Variants in SAMMSON observed in about 807,000 individuals in gnomAD.
The protein encoded by SAMMSON is survival associated mitochondrial melanoma specific oncogenic non-coding RNA.
intron 9 of SAMMSON, among the ~76,000 whole-genome samples, chr3:70,360,925 G>T (rs1002015240): frequency 3.3e-5 from 5 of 152,080 alleles, no homozygotes. Flanking sequence ...GTAATGAATA[G>T]CTATCATGTT....
At chr3:70,355,142 A>G (rs1285286731) in intron 8 of SAMMSON, among the ~76,000 whole-genome samples, 1 of 152,196 alleles carries the variant, frequency 6.6e-6, no homozygotes, top group Non-Finnish European at 1.5e-5. Flanking sequence ...TCTCTTCTGA[A>G]TTCATAGAAC....
At chr3:70,305,137 C>T (rs1015322167) in intron 7 of SAMMSON, among the ~76,000 whole-genome samples, 1 of 152,126 alleles carries the variant, frequency 6.6e-6, no homozygotes, top group Non-Finnish European at 1.5e-5. Flanking sequence ...TTCAAAGCTT[C>T]GAAACAATTA....
intron 2 of SAMMSON, among the ~76,000 whole-genome samples, chr3:70,427,514 C>T (rs1197346630): frequency 2.6e-5 from 4 of 151,892 alleles, no homozygotes; most frequent in Non-Finnish European, 4.4e-5. Context: ...CTGAGATGGG[C>T]GGATCACGAG....
chr3:70,180,861 C>G (rs2106705265), intron 4 of SAMMSON, among the ~76,000 whole-genome samples: 1 of 152,102 alleles, frequency 6.6e-6, no homozygotes, highest in East Asian at 1.9e-4. Context: ...AGCAAAGGCC[C>G]CCTAATTTAA....
rs571384897 is a variant in SAMMSON at position 70,134,025 on chromosome 3, C to T, written n.507+62460C>T. 1.1e-3 allele frequency among the ~76,000 whole-genome samples: 164 copies of T among 147,908 alleles called. 1 individual carries two copies. Among genetic ancestry groups the T allele is most frequent in the African/African-American group, 3.9e-3 (155 of 39,964 alleles). ...TTGGGAGGCCAAGGCAGGCAGATCA[C>T]GAGGCCAGGAGTTCGAGACCTGTCT... On this transcript the variant is annotated intron_variant and non_coding_transcript_variant, in intron 4 of 9. Transcript: ENST00000642114.
At chr3:70,318,237 G>A (rs1203521207) in intron 7 of SAMMSON, among the ~76,000 whole-genome samples, 1 of 151,810 alleles carries the variant, frequency 6.6e-6, no homozygotes, top group Non-Finnish European at 1.5e-5. Context: ...CTCCCTCTAG[G>A]ATTCCAATTA....
intron 4 of SAMMSON, among the ~76,000 whole-genome samples, chr3:70,232,189 T>TCTG (rs1701565898): frequency 6.6e-6 from 1 of 152,292 alleles, no homozygotes; most frequent in African/African-American, 2.4e-5. Flanking sequence ...TAAATATTGA[T>TCTG]CTGCTCTGTG....
At chr3:70,415,266 G>A (rs1036695001) in intron 2 of SAMMSON, among the ~76,000 whole-genome samples, 5 of 152,154 alleles carry the variant, frequency 3.3e-5, no homozygotes, top group African/African-American at 4.8e-5. Flanking sequence ...TCTGTCAAGC[G>A]CATGTTGCCC....
rs536900774 is a variant in SAMMSON at position 70,051,904 on chromosome 3, G to C, written n.418-19572G>C. 3.3e-5 allele frequency among the ~76,000 whole-genome samples: 5 copies of C among 152,046 alleles called. No individual in the cohort carries two copies. The East Asian group carries it at 7.8e-4, about 24-fold the overall frequency. The stretch of plus-strand genomic sequence containing the variant: ...CTTGAACTCAGGAGTTCAAGACCAG[G>C]CTGGGCAACGTGGAGAGACTGTGTC... On this transcript the variant is annotated intron_variant and non_coding_transcript_variant, in intron 3 of 9. Transcript: ENST00000642114.
chr3:70,258,046 T>C (rs1228125872), intron 6 of SAMMSON, among the ~76,000 whole-genome samples: 1 of 152,182 alleles, frequency 6.6e-6, no homozygotes, highest in Non-Finnish European at 1.5e-5. Context: ...AGTCTTTTCA[T>C]TAGATGGTGC....
intron 4 of SAMMSON, among the ~76,000 whole-genome samples, chr3:70,238,252 T>A (rs552582038): frequency 2.0e-5 from 3 of 151,880 alleles, no homozygotes; most frequent in African/African-American, 7.3e-5. Flanking sequence ...TCTCCTTCTA[T>A]GTAAGGTGTA....
At chr3:70,019,197 T>C (rs1362320954) in intron 3 of SAMMSON, among the ~76,000 whole-genome samples, 3 of 152,168 alleles carry the variant, frequency 2.0e-5, no homozygotes, top group African/African-American at 4.8e-5. Flanking sequence ...AAGTCTCCCG[T>C]TATTATTGTG....
chr3:70,241,566 T>A (rs145486745), intron 4 of SAMMSON, among the ~76,000 whole-genome samples: 1,654 of 152,238 alleles, frequency 0.011, 22 homozygotes, highest in African/African-American at 0.036. Context: ...GTATTCTTGT[T>A]AGTATTTTTC....
intron 7 of SAMMSON, among the ~76,000 whole-genome samples, chr3:70,348,665 G>A (rs755781345): frequency 1.3e-5 from 2 of 152,102 alleles, no homozygotes; most frequent in South Asian, 4.2e-4. Flanking sequence ...GTAGGTCTCA[G>A]GTTCCAATTC....
At chr3:70,269,376 C>A (rs928533719) in intron 6 of SAMMSON, among the ~76,000 whole-genome samples, 7 of 152,176 alleles carry the variant, frequency 4.6e-5, no homozygotes, top group African/African-American at 1.7e-4. Flanking sequence ...TACATAGACA[C>A]CCTGTAACCT....
intron 4 of SAMMSON, among the ~76,000 whole-genome samples, chr3:70,129,969 T>C (rs6549271): frequency 0.56 from 85,118 of 152,050 alleles, 25,122 homozygotes; most frequent in East Asian, 0.95. Context: ...TTAACACATC[T>C]ATTATGTCAC....
intron 4 of SAMMSON, among the ~76,000 whole-genome samples, chr3:70,122,503 C>T (rs2067439233): frequency 1.3e-5 from 2 of 152,196 alleles, no homozygotes. Flanking sequence ...CCATTGCACT[C>T]AGCCCAATTT....
At chr3:70,133,426 T>C (rs2067492221) in intron 4 of SAMMSON, among the ~76,000 whole-genome samples, 1 of 152,196 alleles carries the variant, frequency 6.6e-6, no homozygotes, top group Non-Finnish European at 1.5e-5. Flanking sequence ...GCATCTCTTC[T>C]GTTTGGCTGT....
intron 4 of SAMMSON, among the ~76,000 whole-genome samples, chr3:70,098,432 G>T (rs1214519636): frequency 6.6e-6 from 1 of 151,844 alleles, no homozygotes; most frequent in East Asian, 1.9e-4. Flanking sequence ...CAGTAGCACA[G>T]TCTCGGCTCA....
Sources: gnomAD v4.1 joint callset for allele counts (sites outside exome capture counted in the v4.1 genomes callset) on GRCh38, gnomAD v4.1.1 for gene constraint, MANE v1.5 for transcripts, NCBI Gene and HGNC (gene_info 2026-07-23, HGNC 2026-07-21) for gene names.